Variants in ADGRL3 observed in about 807,000 individuals in gnomAD.
ADGRL3 encodes the protein calcium-independent alpha-latrotoxin receptor 3.
In ADGRL3, 62 loss-of-function variants were observed where a neutral mutation model predicts 153.5. The ratio of observed to expected loss-of-function variants is 0.40; its 90% confidence interval spans 0.33 to 0.50. ADGRL3 has a LOEUF of 0.50. Ranked by LOEUF, ADGRL3 falls within the 20% of genes least tolerant of loss-of-function variation. The probability of loss-of-function intolerance (pLI) is 0.47; values close to 1 mark genes in which losing one functional copy is unlikely to be tolerated. For missense variants in ADGRL3, 1,641 were observed against 1,859.4 expected (o/e 0.88, Z 2.16); for synonymous variants, 710 against 672.5 (o/e 1.06, Z -0.86).
At chr4:61,725,623 A>C (rs1013840165) in intron 6 of ADGRL3, among the ~76,000 whole-genome samples, 1 of 152,028 alleles carries the variant, frequency 6.6e-6, no homozygotes, top group Non-Finnish European at 1.5e-5. Flanking sequence ...AAAAACAAAA[A>C]AAAACAAAAG....
At chr4:61,951,490 T>G (rs964988300) in intron 17 of ADGRL3, among the ~76,000 whole-genome samples, 1 of 152,172 alleles carries the variant, frequency 6.6e-6, no homozygotes, top group African/African-American at 2.4e-5. Context: ...CTCTAAACAA[T>G]AATAGCACCA....
chr4:61,330,800 G>A (rs553584476), intron 1 of ADGRL3, among the ~76,000 whole-genome samples: 1 of 152,146 alleles, frequency 6.6e-6, no homozygotes, highest in African/African-American at 2.4e-5. Context: ...CCCACCCATG[G>A]TCTGCTGATT....
intron 4 of ADGRL3, among the ~76,000 whole-genome samples, chr4:61,539,557 C>T (rs908398255): frequency 7.2e-5 from 11 of 152,098 alleles, no homozygotes; most frequent in Admixed American, 6.5e-5. Context: ...GATGTGGTGA[C>T]AGAAAGGCTT....
chr4:61,978,654 G>A (rs1373616970), intron 17 of ADGRL3, among the ~76,000 whole-genome samples: 3 of 151,860 alleles, frequency 2.0e-5, no homozygotes. Context: ...GTGGAAATAA[G>A]AGTTCTGAAT....
chr4:61,946,716 A>G (rs1215055572), intron 15 of ADGRL3, among the ~76,000 whole-genome samples, 198 bp from the exon 16 acceptor site: 2 of 152,200 alleles, frequency 1.3e-5, no homozygotes, highest in African/African-American at 4.8e-5. Context: ...ATTGAGGCTC[A>G]TTTTAAAAAA....
At chr4:62,008,193 TG>T (rs1332141710) in intron 21 of ADGRL3, among the ~76,000 whole-genome samples, 1 of 152,046 alleles carries the variant, frequency 6.6e-6, no homozygotes, top group Non-Finnish European at 1.5e-5. Context: ...AGCTGAGAAA[TG>T]TAGTAGTGGA....
At chr4:61,542,584 C>T (rs1186010160) in intron 4 of ADGRL3, among the ~76,000 whole-genome samples, 4 of 152,112 alleles carry the variant, frequency 2.6e-5, no homozygotes, top group Non-Finnish European at 4.4e-5. Flanking sequence ...TATGTAAGTA[C>T]ATTTTATCTG....
At chr4:61,507,892 C>T (rs560926302) in intron 3 of ADGRL3, among the ~76,000 whole-genome samples, 4 of 152,092 alleles carry the variant, frequency 2.6e-5, no homozygotes, top group Non-Finnish European at 5.9e-5. Flanking sequence ...TAGAGTGCCT[C>T]ATTACTATAG....
chr4:61,996,220 A>G, intron 19 of ADGRL3, 71 bp from the exon 20 acceptor site: 1 of 901,708 alleles, frequency 1.1e-6, no homozygotes, highest in Non-Finnish European at 1.8e-6. Context: ...CTTCTCTGTC[A>G]CAGGTTCACT....
chr4:61,867,619 A>T (rs2098410698), intron 9 of ADGRL3, among the ~76,000 whole-genome samples: 1 of 149,150 alleles, frequency 6.7e-6, no homozygotes, highest in Non-Finnish European at 1.5e-5. Flanking sequence ...AATTAACAAG[A>T]GAAAAGCGTA....
At chr4:61,932,154 T>C (rs1010599912) in intron 13 of ADGRL3, among the ~76,000 whole-genome samples, 6 of 152,130 alleles carry the variant, frequency 3.9e-5, no homozygotes, top group Admixed American at 3.9e-4. Context: ...TTTTACTTTT[T>C]CATTTCAGTT....
chr4:61,643,196 A>G (rs1001834559), intron 5 of ADGRL3, among the ~76,000 whole-genome samples: 13 of 151,960 alleles, frequency 8.6e-5, no homozygotes, highest in African/African-American at 2.7e-4. Flanking sequence ...GGGCTGAGAC[A>G]ATGGGGTTTT....
chr4:61,654,822 A>T (rs1448627849), intron 5 of ADGRL3, among the ~76,000 whole-genome samples: 1 of 148,064 alleles, frequency 6.8e-6, no homozygotes, highest in East Asian at 2.0e-4. Context: ...GCTTGAACCC[A>T]TGCGGCAGAG....
chr4:61,735,451 C>T (rs528336378), intron 8 of ADGRL3, among the ~76,000 whole-genome samples: 13 of 152,312 alleles, frequency 8.5e-5, no homozygotes, highest in East Asian at 3.9e-4. Flanking sequence ...TCTGACTCAC[C>T]GCTGTACAGG....
chr4:61,386,618 A>G (rs1253451180), intron 2 of ADGRL3, among the ~76,000 whole-genome samples: 2 of 152,180 alleles, frequency 1.3e-5, no homozygotes, highest in Non-Finnish European at 2.9e-5. Context: ...GAAGGAATAA[A>G]GTCATTAGAG....
chr4:61,597,348 G>T (rs944197630), intron 5 of ADGRL3, among the ~76,000 whole-genome samples: 4 of 152,114 alleles, frequency 2.6e-5, no homozygotes, highest in Non-Finnish European at 5.9e-5. Flanking sequence ...GTTAAAAGGT[G>T]AGTAGATGAT....
chr4:61,968,626 G>T (rs147050746), intron 17 of ADGRL3, among the ~76,000 whole-genome samples: 173 of 152,214 alleles, frequency 1.1e-3, no homozygotes, highest in African/African-American at 3.9e-3. Context: ...AAGTCAAAAG[G>T]CCCATTAAGT....
chr4:61,869,976 AAGAG>A lies in ADGRL3; in HGVS notation c.1481-22669_1481-22666del, dbSNP rs1170473906. Among the ~76,000 whole-genome samples the A allele has an allele frequency of 2.4e-3, 235 of 99,644 alleles. 1 individual carries two copies. The highest frequency in any genetic ancestry group is 9.3e-3 in the Middle Eastern group (2 of 214). 65.4% of individuals were successfully genotyped at this position (99,644 alleles called of 152,430 possible). On this transcript the variant is annotated intron_variant, in intron 9 of 26. Coordinates refer to ENST00000683033, the MANE Select transcript of ADGRL3 (RefSeq NM_001387552.1). ...AAAAAAAAAAAGAGAGAGAGAGAGAAAGAGAGAGAGAGAGGGAGAGAGAGAGAGA... is the reference window on the plus strand; with the variant it reads ...AAAAAAAAAAAGAGAGAGAGAGAGAAAGAGAGAGAGGGAGAGAGAGAGAGA...
chr4:61,974,753 G>A (rs140979371), intron 17 of ADGRL3, among the ~76,000 whole-genome samples: 3 of 152,268 alleles, frequency 2.0e-5, no homozygotes, highest in Admixed American at 6.5e-5. Context: ...ATTTACATCT[G>A]TACTTTTGTC....
Sources: allele counts gnomAD v4.1 joint callset (sites outside exome capture counted in the v4.1 genomes callset), GRCh38; gene constraint gnomAD v4.1.1; transcripts MANE v1.5; gene names NCBI Gene and HGNC (gene_info 2026-07-23, HGNC 2026-07-21).